Variants in DMXL2 observed in about 807,000 individuals in gnomAD.
DMXL2 encodes Dmx like 2.
In DMXL2, 103 loss-of-function variants were observed where a neutral mutation model predicts 331.1. The ratio of observed to expected loss-of-function variants is 0.31; its 90% CI spans 0.27 to 0.37. DMXL2 has a LOEUF of 0.37. Ranked by LOEUF, DMXL2 falls within the 10% of genes least tolerant of loss-of-function variation. DMXL2 has a pLI of 1.00. For synonymous variants in DMXL2, 1,281 were observed against 1,252.1 expected (o/e 1.02, Z -0.49); for missense variants, 3,171 against 3,642.9 (o/e 0.87, Z 3.33).
At chr15:51,574,866 C>T (rs1359915837) in intron 2 of DMXL2, among the ~76,000 whole-genome samples, 1 of 152,126 alleles carries the variant, frequency 6.6e-6, no homozygotes, top group Non-Finnish European at 1.5e-5. Context: ...GCGATTATCA[C>T]CAGCACTTGA....
At chr15:51,550,396 T>G (rs912927309) in intron 6 of DMXL2, among the ~76,000 whole-genome samples, 1 of 152,186 alleles carries the variant, frequency 6.6e-6, no homozygotes, top group Admixed American at 6.6e-5. Context: ...TATAATTGTA[T>G]ACATTTACAT....
chr15:51,577,455 A>G (rs1466054148), intron 1 of DMXL2, among the ~76,000 whole-genome samples: 1 of 152,238 alleles, frequency 6.6e-6, no homozygotes, highest in Non-Finnish European at 1.5e-5. Context: ...CAAAAAGTTC[A>G]CCAAAAGAAA....
At position 51,498,925 on chromosome 15, in the gene DMXL2, T is replaced by C. The variant is rs149348132; in HGVS notation, c.4299A>G (p.Ala1433=). ...IDSIPPLPLY[A]LLAADQDTSY... is the part of the protein sequence containing the mutation. Reference sequence around the variant, plus strand: ...ATGTATCTTGATCTGCAGCAAGTAATGCATATAGTGGTAGTGGAGGGATAG... The same window carrying C: ...ATGTATCTTGATCTGCAGCAAGTAACGCATATAGTGGTAGTGGAGGGATAG... The change falls in exon 18 of 44, where the codon GCA becomes GCG. Residue 1433 remains alanine (A), a synonymous_variant. Transcript: ENST00000560891. 1.1e-4 allele frequency: 183 copies of C among 1,614,154 alleles called. No homozygotes were observed. In the African/African-American group the frequency reaches 2.0e-3, roughly 18 times the overall value.
Position 51,567,957 on chromosome 15 carries a change from C to G in DMXL2, c.285+530G>C, listed in dbSNP as rs150009643. 4.6e-3 allele frequency: 707 copies of G among 152,970 alleles called. 5 individuals are homozygous for G. The highest frequency in any genetic ancestry group is 0.017 in the Middle Eastern group (5 of 302). 9.5% of individuals were successfully genotyped at this position (152,970 alleles called of 1,614,324 possible). On this transcript the variant is annotated intron_variant, in intron 3 of 43. Coordinates refer to ENST00000560891, the MANE Select transcript of DMXL2 (RefSeq NM_001378457.1). ...AATTAGCTGGCCATGGTGGTACATG[C>G]CTATAGTCGCAACTACTTGGGAGGT...
At chr15:51,606,612 T>C (rs1490647047) in intron 1 of DMXL2, among the ~76,000 whole-genome samples, 3 of 152,202 alleles carry the variant, frequency 2.0e-5, no homozygotes, top group Non-Finnish European at 4.4e-5. Context: ...GTCACCTAAT[T>C]AAATTAAAAT....
chr15:51,522,949 G>T (rs1005049576), intron 13 of DMXL2, among the ~76,000 whole-genome samples: 2 of 152,134 alleles, frequency 1.3e-5, no homozygotes, highest in Non-Finnish European at 2.9e-5. Context: ...CATGCTTCCA[G>T]TACCTACCAA....
chr15:51,455,889 T>C (rs1334649005), intron 39 of DMXL2, among the ~76,000 whole-genome samples, 177 bp downstream of exon 39: 1 of 152,220 alleles, frequency 6.6e-6, no homozygotes, highest in Non-Finnish European at 1.5e-5. Flanking sequence ...ATACTAAATT[T>C]TGTAGATTTT....
intron 6 of DMXL2, among the ~76,000 whole-genome samples, chr15:51,551,182 T>C (rs2049195654): frequency 6.6e-6 from 1 of 151,772 alleles, no homozygotes; most frequent in Non-Finnish European, 1.5e-5. Context: ...CTTAATCAGA[T>C]GTGGTATATT....
intron 30 of DMXL2, 87 bp downstream of exon 30, chr15:51,466,097 A>G (rs996940660): frequency 9.2e-7 from 1 of 1,090,782 alleles, no homozygotes; most frequent in Non-Finnish European, 1.3e-6. Context: ...ATTCAGGATA[A>G]TAATGTTATT....
chr15:51,563,294 G>GA (rs2050078850), intron 6 of DMXL2, 87 bp downstream of exon 6: 6 of 1,131,136 alleles, frequency 5.3e-6, no homozygotes, highest in Non-Finnish European at 7.5e-6. Context: ...CAGTTTTACA[G>GA]ATGAGAAAAC....
At chr15:51,568,746 C>G (rs1326945885) in intron 2 of DMXL2, among the ~76,000 whole-genome samples, 188 bp from the exon 3 acceptor site, 1 of 152,082 alleles carries the variant, frequency 6.6e-6, no homozygotes, top group African/African-American at 2.4e-5. Flanking sequence ...AAAAATTCAG[C>G]AGGCTTTATT....
intron 15 of DMXL2, among the ~76,000 whole-genome samples, chr15:51,512,285 A>G (rs1413069544): frequency 6.6e-6 from 1 of 152,232 alleles, no homozygotes; most frequent in African/African-American, 2.4e-5. Flanking sequence ...ATACTCTTTA[A>G]ATAGACAATG....
intron 20 of DMXL2, among the ~76,000 whole-genome samples, chr15:51,489,892 G>A (rs962514913): frequency 1.3e-5 from 2 of 152,098 alleles, no homozygotes; most frequent in African/African-American, 2.4e-5. Context: ...TAAATTACTT[G>A]TGGAAATAAA....
intron 8 of DMXL2, 144 bp from the exon 9 acceptor site, chr15:51,542,651 G>T: frequency 1.7e-6 from 1 of 601,700 alleles, no homozygotes; most frequent in East Asian, 2.8e-5. Context: ...AATTACAGTA[G>T]AACTATTTTG....
intron 29 of DMXL2, among the ~76,000 whole-genome samples, chr15:51,469,525 G>A (rs991134175): frequency 6.6e-6 from 1 of 152,100 alleles, no homozygotes; most frequent in Non-Finnish European, 1.5e-5. Context: ...GAGGAAAAAA[G>A]ATTAATAGTA....
intron 13 of DMXL2, among the ~76,000 whole-genome samples, chr15:51,519,735 C>T (rs1396032590): frequency 6.6e-6 from 1 of 150,518 alleles, no homozygotes; most frequent in Admixed American, 6.6e-5. Flanking sequence ...CTGCGCCTCC[C>T]GAGTTCAAGT....
rs553853839 is a variant in DMXL2, at chr15:51,587,392, C to T, written c.88-11211G>A. Among the ~76,000 whole-genome samples, 125 of 151,586 alleles carry T rather than the reference C, an allele frequency of 8.2e-4. 1 individual carries two copies. Among genetic ancestry groups the T allele is most frequent in the Non-Finnish European group, 1.5e-3 (104 of 67,906 alleles). Reference sequence around the variant, plus strand: ...GTCCATGTGTTGTCATTGTTCAATTCCCACCTACGAGTGAGAATATGCAGT... The same window carrying T: ...GTCCATGTGTTGTCATTGTTCAATTTCCACCTACGAGTGAGAATATGCAGT... On this transcript the variant is annotated intron_variant, in intron 1 of 43. Coordinates refer to ENST00000560891, the MANE Select transcript of DMXL2 (RefSeq NM_001378457.1).
In DMXL2 at chr15:51,449,027, G is replaced by A. The variant is rs567493965; in HGVS notation, c.9134C>T (p.Pro3045Leu). ...TCTGTTAGGGATGTTAAAAGCATTG[G>A]GCAAAACCCTGGTTTTCAGCGTGCC... ...ADGTLKTRVL[P>L]NAFNIPNRIL... The change falls in exon 44 of 44, where the codon CCC (proline) becomes CTC (leucine). Residue 3045 changes from proline to leucine, a missense_variant. By Grantham distance (98) the Pro-to-Leu change is moderately conservative (BLOSUM62 -3). This residue lies in a region of DMXL2 where 766 missense variants were observed against 940.5 expected (regional missense o/e 0.81). Coordinates refer to ENST00000560891, the MANE Select transcript of DMXL2 (RefSeq NM_001378457.1). The A allele has an allele frequency of 5.0e-6, 8 of 1,614,070 alleles. No individual in the cohort carries two copies. The African/African-American group carries it at 9.3e-5, about 19-fold the overall frequency.
chr15:51,598,406 A>G (rs1012337296), intron 1 of DMXL2, among the ~76,000 whole-genome samples: 10 of 152,290 alleles, frequency 6.6e-5, no homozygotes, highest in African/African-American at 2.2e-4. Context: ...GTCTTATATG[A>G]CCACAGTACA....
Sources: allele counts gnomAD v4.1 joint callset (sites outside exome capture counted in the v4.1 genomes callset), GRCh38; gene constraint gnomAD v4.1.1; regional missense constraint gnomAD v4.1.1; transcripts MANE v1.5; gene names NCBI Gene and HGNC (gene_info 2026-07-23, HGNC 2026-07-21).